Variants in CDK8 observed in about 807,000 individuals in gnomAD.
CDK8 encodes cyclin dependent kinase 8.
A neutral mutation model predicts 71.5 loss-of-function variants in CDK8; 29 were observed. That is an observed-to-expected ratio of 0.41 (90% CI 0.30 to 0.55). CDK8 has a LOEUF of 0.55. CDK8 is among the 20% of genes least tolerant of loss of function. The pLI is 0.37. For missense variants in CDK8, 288 were observed against 572.6 expected (o/e 0.50, Z 5.07); for synonymous variants, 161 against 192.1 (o/e 0.84, Z 1.34).
At chr13:26,297,778 CT>C (rs2137911441) in intron 1 of CDK8, among the ~76,000 whole-genome samples, 1 of 152,310 alleles carries the variant, frequency 6.6e-6, no homozygotes, top group Non-Finnish European at 1.5e-5. Context: ...ATGTGTCTTA[CT>C]TAGTTTGGGC....
intron 1 of CDK8, among the ~76,000 whole-genome samples, chr13:26,316,692 C>T (rs557630380): frequency 2.1e-4 from 32 of 152,136 alleles, no homozygotes; most frequent in East Asian, 9.7e-4. Flanking sequence ...CACGCAATAA[C>T]GAAAAGTAGC....
intron 2 of CDK8, among the ~76,000 whole-genome samples, chr13:26,340,752 G>A (rs1400581378): frequency 6.6e-6 from 1 of 152,054 alleles, no homozygotes; most frequent in African/African-American, 2.4e-5. Flanking sequence ...TGTGTGCCTG[G>A]TTACTTACTT....
rs1593296971 is a variant in CDK8, at chr13:26,374,009, T to C, written c.457-8805T>C. On this transcript the variant is annotated intron_variant, in intron 4 of 12. Coordinates refer to ENST00000381527, the MANE Select transcript of CDK8 (RefSeq NM_001260.3). ...ATCCTGGCTAACATGGTGAAACCCC[T>C]TCTCTACTAAAAAAAAAAAAAAAAA... Among the ~76,000 whole-genome samples, 50 of 135,048 alleles carry C rather than the reference T, an allele frequency of 3.7e-4. 2 individuals carry two copies. The South Asian group carries it at 0.012, about 33-fold the overall frequency. The allele number at this position is 135,048 out of a possible 152,430, so 88.6% of individuals were successfully genotyped here.
intron 1 of CDK8, among the ~76,000 whole-genome samples, chr13:26,278,948 G>A (rs996811009): frequency 2.6e-5 from 4 of 152,082 alleles, no homozygotes; most frequent in Non-Finnish European, 5.9e-5. Context: ...ATCAAAAGAC[G>A]ATTTAAAGTA....
chr13:26,339,025 C>T (rs1022181497), intron 2 of CDK8, among the ~76,000 whole-genome samples: 3 of 151,984 alleles, frequency 2.0e-5, no homozygotes, highest in Non-Finnish European at 2.9e-5. Context: ...TTGCATATAT[C>T]GTGATAACTA....
chr13:26,277,506 A>G (rs2137880412), intron 1 of CDK8, among the ~76,000 whole-genome samples: 1 of 152,318 alleles, frequency 6.6e-6, no homozygotes, highest in East Asian at 1.9e-4. Context: ...GTTACATTAT[A>G]GGAAGATAAG....
chr13:26,326,629 T>G (rs575471187), intron 1 of CDK8, among the ~76,000 whole-genome samples: 1 of 152,310 alleles, frequency 6.6e-6, no homozygotes, highest in Admixed American at 6.5e-5. Flanking sequence ...TTCTTAAGAA[T>G]CTTTAGTTTG....
chr13:26,336,756 A>G (rs571212557), intron 1 of CDK8, among the ~76,000 whole-genome samples: 494 of 152,004 alleles, frequency 3.2e-3, no homozygotes, highest in African/African-American at 1.0e-2. Flanking sequence ...GGGTTTCGCC[A>G]TGTTAGCCAG....
intron 1 of CDK8, among the ~76,000 whole-genome samples, chr13:26,336,989 ACT>A (rs1433958530): frequency 1.3e-5 from 2 of 150,178 alleles, no homozygotes; most frequent in Non-Finnish European, 2.9e-5. Context: ...GACACAGAAA[ACT>A]CTCTAAAAGA....
chr13:26,316,159 G>T (rs1191176829), intron 1 of CDK8, among the ~76,000 whole-genome samples: 1 of 152,184 alleles, frequency 6.6e-6, no homozygotes, highest in African/African-American at 2.4e-5. Context: ...AGGAGTTCTA[G>T]ACCAGCCTGG....
chr13:26,382,786 GAA>G, intron 4 of CDK8, 26 bp from the exon 5 acceptor site: 4 of 1,498,836 alleles, frequency 2.7e-6, no homozygotes, highest in Non-Finnish European at 3.7e-6. Flanking sequence ...ACTGTCTACT[GAA>G]AAAAAACACT....
chr13:26,293,043 G>A (rs1873373773), intron 1 of CDK8, among the ~76,000 whole-genome samples: 1 of 152,138 alleles, frequency 6.6e-6, no homozygotes, highest in South Asian at 2.1e-4. Context: ...GTAATGGCAA[G>A]CACTCTGGAC....
At chr13:26,257,733 A>G (rs949915434) in intron 1 of CDK8, among the ~76,000 whole-genome samples, 2 of 152,328 alleles carry the variant, frequency 1.3e-5, no homozygotes, top group Middle Eastern at 3.4e-3. Context: ...CTAGACTTCA[A>G]TATTTGCACT....
At position 26,360,670 on chromosome 13, in the gene CDK8, C is replaced by T. The variant is rs528028294; in HGVS notation, c.456+6790C>T. Among the ~76,000 whole-genome samples the T allele has an allele frequency of 5.0e-4, 76 of 152,174 alleles. 1 individual carries two copies. Among genetic ancestry groups the T allele is most frequent in the Non-Finnish European group, 9.7e-4 (66 of 68,030 alleles). Reference sequence around the variant, plus strand: ...ATGCCTCCCACTGCCTACCAAAATACACAATTTGTGTATACAATATTGCAT... The same window carrying T: ...ATGCCTCCCACTGCCTACCAAAATATACAATTTGTGTATACAATATTGCAT... On this transcript the variant is annotated intron_variant, in intron 4 of 12. Transcript: ENST00000381527.
intron 4 of CDK8, among the ~76,000 whole-genome samples, chr13:26,381,502 A>T (rs537002991): frequency 1.3e-5 from 2 of 152,204 alleles, no homozygotes; most frequent in African/African-American, 4.8e-5. Context: ...TGAATAAAAC[A>T]TCAGTATTAT....
intron 3 of CDK8, 91 bp downstream of exon 3, chr13:26,349,273 TATG>T: frequency 4.1e-6 from 3 of 739,924 alleles, no homozygotes; most frequent in Non-Finnish European, 7.0e-6. Flanking sequence ...TTATGAGACT[TATG>T]TTTTTAAAAT....
intron 1 of CDK8, among the ~76,000 whole-genome samples, chr13:26,314,316 T>C (rs1874416868): frequency 6.6e-6 from 1 of 152,248 alleles, no homozygotes; most frequent in Admixed American, 6.5e-5. Flanking sequence ...TAACAGTTAC[T>C]AAGAACATTT....
intron 1 of CDK8, among the ~76,000 whole-genome samples, chr13:26,302,294 G>A (rs1873858223): frequency 6.6e-6 from 1 of 152,148 alleles, no homozygotes; most frequent in Admixed American, 6.5e-5. Context: ...AACATCTATA[G>A]TATTTCTAAA....
chr13:26,364,523 G>A (rs1176464906), intron 4 of CDK8, among the ~76,000 whole-genome samples: 1 of 152,030 alleles, frequency 6.6e-6, no homozygotes, highest in Non-Finnish European at 1.5e-5. Flanking sequence ...GGTTAGGAGG[G>A]ATTATATAAT....
Sources: gnomAD v4.1 joint callset for allele counts (sites outside exome capture counted in the v4.1 genomes callset) on GRCh38, gnomAD v4.1.1 for gene constraint, MANE v1.5 for transcripts, NCBI Gene and HGNC (gene_info 2026-07-23, HGNC 2026-07-21) for gene names.